Variants in SETD2 observed in about 807,000 individuals in gnomAD.
SETD2 encodes the protein SET domain containing 2, histone lysine methyltransferase.
Under a neutral mutation model 242.1 loss-of-function variants are expected in SETD2, and 31 were observed. That is an observed-to-expected ratio of 0.13 (90% CI 0.10 to 0.17). SETD2 has a LOEUF of 0.17. Among genes scored for constraint, SETD2 ranks in the 10% least tolerant of loss-of-function variants. The pLI is 1.00. For synonymous variants in SETD2, 1,006 were observed against 1,066.5 expected (o/e 0.94, Z 1.11); for missense variants, 2,481 against 3,046.3 (o/e 0.81, Z 4.37).
intron 12 of SETD2, among the ~76,000 whole-genome samples, chr3:47,080,087 T>G (rs1024590898): frequency 1.3e-5 from 2 of 152,074 alleles, no homozygotes; most frequent in Non-Finnish European, 2.9e-5. Flanking sequence ...AGCGAGGGAG[T>G]GAAATTCCAA....
At chr3:47,075,629 T>G (rs2041039994) in intron 12 of SETD2, among the ~76,000 whole-genome samples, 1 of 147,494 alleles carries the variant, frequency 6.8e-6, no homozygotes, top group Admixed American at 6.7e-5. Context: ...CACAATTGCA[T>G]GAACTGCCTA....
In SETD2 at chr3:47,042,693, A is replaced by G. The variant is rs1410167729; in HGVS notation, c.7106T>C (p.Met2369Thr). Residue 2369 changes from methionine (M) to threonine (T), a missense_variant, in exon 17 of 21, where the codon ATG becomes ACG. By Grantham distance (81) the Met-to-Thr change is moderately conservative. Coordinates refer to ENST00000409792, the MANE Select transcript of SETD2 (RefSeq NM_014159.7). ...GQPQPLQPSE[M>T]VVTNNLLDLP... ...ATCCAAGAGATTATTTGTCACAACCATTTCAGACTACAAAGAAAACACACA... is the reference window on the plus strand; with the variant it reads ...ATCCAAGAGATTATTTGTCACAACCGTTTCAGACTACAAAGAAAACACACA... 6.2e-6 allele frequency: 10 copies of G among 1,601,180 alleles called. No homozygotes were observed. Among genetic ancestry groups the G allele is most frequent in the Non-Finnish European group, 7.7e-6 (9 of 1,174,778 alleles).
At chr3:47,107,784 A>C (rs974844092) in intron 5 of SETD2, among the ~76,000 whole-genome samples, 4 of 151,744 alleles carry the variant, frequency 2.6e-5, no homozygotes, top group African/African-American at 9.7e-5. Context: ...CAGCCTGAAA[A>C]ACACAGGAAG....
chr3:47,038,121 C>T (rs890628138), intron 17 of SETD2, among the ~76,000 whole-genome samples: 3 of 152,164 alleles, frequency 2.0e-5, no homozygotes, highest in East Asian at 3.8e-4. Context: ...AAATAGGTCC[C>T]TGCCTATGTC....
chr3:47,056,176 G>C (rs1354142518), intron 15 of SETD2, among the ~76,000 whole-genome samples: 1 of 149,716 alleles, frequency 6.7e-6, no homozygotes, highest in African/African-American at 2.5e-5. Flanking sequence ...CCAGGCTGGG[G>C]TACAGTGACG....
rs1180147063 is a variant in SETD2 at position 47,122,040 on chromosome 3, G to T, written c.2596C>A (p.His866Asn). 6.2e-7 allele frequency: 1 copy of T among 1,613,704 alleles called. No homozygotes were observed. The change falls in exon 3 of 21, where the codon CAT becomes AAT. Residue 866 changes from histidine (H) to asparagine (N), a missense_variant. By Grantham distance (68) the His-to-Asn change is moderately conservative. Coordinates refer to ENST00000409792, the MANE Select transcript of SETD2 (RefSeq NM_014159.7). ...ATAGGTTGATATAAATCATCAAAAT[G>T]ATTAACAGAAGCTGAACTAGTGCTA... The part of the protein sequence containing the change: ...IGSTSSASVN[H>N]FDDLYQPIGS...
chr3:47,094,349 T>C (rs1237474302), intron 9 of SETD2, among the ~76,000 whole-genome samples: 1 of 152,222 alleles, frequency 6.6e-6, no homozygotes, highest in African/African-American at 2.4e-5. Flanking sequence ...TGTATACAGA[T>C]GCAATCATAA....
chr3:47,023,121 C>A (rs1016524262), intron 18 of SETD2, among the ~76,000 whole-genome samples: 2 of 152,178 alleles, frequency 1.3e-5, no homozygotes, highest in African/African-American at 4.8e-5. Context: ...GATTAGAGGG[C>A]TGGGCACGGT....
At chr3:47,128,589 G>A (rs1414348733) in intron 1 of SETD2, among the ~76,000 whole-genome samples, 1 of 152,074 alleles carries the variant, frequency 6.6e-6, no homozygotes, top group Non-Finnish European at 1.5e-5. Context: ...GTAATGACAG[G>A]GGGAGAGGGG....
intron 1 of SETD2, among the ~76,000 whole-genome samples, chr3:47,140,651 A>G (rs1168360059): frequency 1.5e-4 from 23 of 152,282 alleles, no homozygotes; most frequent in Non-Finnish European, 2.9e-4. Flanking sequence ...ACTTGAGGTC[A>G]GGAGTTCAAG....
chr3:47,092,871 A>AC (rs959049257), intron 9 of SETD2, among the ~76,000 whole-genome samples: 4 of 152,104 alleles, frequency 2.6e-5, no homozygotes, highest in African/African-American at 9.7e-5. Context: ...CCATGTACCT[A>AC]CCCCTTCCTG....
intron 1 of SETD2, among the ~76,000 whole-genome samples, 193 bp from the exon 2 acceptor site, chr3:47,126,856 A>G (rs1473447177): frequency 2.0e-5 from 3 of 152,238 alleles, no homozygotes; most frequent in Non-Finnish European, 4.4e-5. Flanking sequence ...AGATAGTGTC[A>G]CATACTGTGC....
chr3:47,017,268 A>G lies in SETD2; in HGVS notation c.7534-14T>C, dbSNP rs2038020497. 6.2e-7 allele frequency: 1 copy of G among 1,613,512 alleles called. No individual in the cohort carries two copies. The highest frequency in any genetic ancestry group is 1.3e-5 in the African/African-American group (1 of 74,892). ...ACCGTGAGTCAGCTGTCCAGGGCAC[A>G]GGAAGAGAGACCACAGCCACCAATC... On this transcript the variant is annotated splice_polypyrimidine_tract_variant and intron_variant, in intron 20 of 20. Transcript: ENST00000409792. This position sits in a 1 kb window ranked among gnomAD's most constrained non-coding sequence, Gnocchi z 4.8.
chr3:47,049,904 T>C (rs2039742832), intron 15 of SETD2, among the ~76,000 whole-genome samples: 1 of 89,446 alleles, frequency 1.1e-5, no homozygotes, highest in African/African-American at 5.2e-5. Context: ...TATATAAACT[T>C]ATTCTGAATT....
At chr3:47,145,686 C>T (rs1333916148) in intron 1 of SETD2, among the ~76,000 whole-genome samples, 2 of 152,078 alleles carry the variant, frequency 1.3e-5, no homozygotes, top group African/African-American at 4.8e-5. Context: ...TCAGCTGAGG[C>T]CTGTATACAG....
In SETD2 at chr3:47,101,517, G is replaced by A. The variant is rs2107683049; in HGVS notation, c.4956C>T (p.Thr1652=). 3 of 1,613,506 alleles carry A rather than the reference G, an allele frequency of 1.9e-6. No homozygotes were observed. The highest frequency in any genetic ancestry group is 2.5e-6 in the Non-Finnish European group (3 of 1,179,644). The change falls in exon 8 of 21, where the codon ACC becomes ACT. Residue 1652 remains threonine (T), a synonymous_variant. Coordinates refer to ENST00000409792, the MANE Select transcript of SETD2 (RefSeq NM_014159.7). ...CTGAGCCTGAAGGAACCAGTTTGGT[G>A]GTAAAAAACCCAACCCTCAGTTGTC... ...VNGQLRVGFF[T]TKLVPSGSEL... is the part of the protein sequence containing the mutation.
chr3:47,049,862 A>G (rs1323993868), intron 15 of SETD2, among the ~76,000 whole-genome samples: 1 of 144,792 alleles, frequency 6.9e-6, no homozygotes, highest in Admixed American at 7.1e-5. Flanking sequence ...TATAATATAT[A>G]AATTTATTCT....
intron 1 of SETD2, among the ~76,000 whole-genome samples, chr3:47,146,638 A>C (rs1318022773): frequency 2.0e-5 from 3 of 151,504 alleles, no homozygotes; most frequent in Non-Finnish European, 4.4e-5. Flanking sequence ...AAAAAAAAAA[A>C]AAAATTCCTT....
chr3:47,087,138 G>A (rs952479189), intron 10 of SETD2, among the ~76,000 whole-genome samples: 40 of 150,858 alleles, frequency 2.7e-4, no homozygotes, highest in African/African-American at 7.1e-4. Context: ...TGGAGATCAC[G>A]TAGTACAAAT....
Sources: gnomAD v4.1 joint callset for allele counts (sites outside exome capture counted in the v4.1 genomes callset) on GRCh38, gnomAD v4.1.1 for gene constraint, Gnocchi (gnomAD v3.1) non-coding constraint, MANE v1.5 for transcripts, NCBI Gene and HGNC (gene_info 2026-07-23, HGNC 2026-07-21) for gene names.